The following CTNNA2 variants were observed in gnomAD, a reference collection of about 807,000 sequenced individuals.
CTNNA2 encodes catenin alpha-2.
CTNNA2 carries 42 observed loss-of-function variants against 101.0 expected under a neutral mutation model. The ratio of observed to expected loss-of-function variants is 0.42; its 90% confidence interval spans 0.32 to 0.54. The LOEUF (loss-of-function observed/expected upper bound fraction) is 0.54, where lower values mean the gene tolerates loss of function less well. CTNNA2 is among the 20% of genes least tolerant of loss of function. The pLI, the probability that CTNNA2 is intolerant of heterozygous loss-of-function variation, is 0.14. For synonymous variants in CTNNA2, 450 were observed against 456.4 expected (o/e 0.99, Z 0.18); for missense variants, 871 against 1,223.1 (o/e 0.71, Z 4.29).
At chr2:79,407,569 T>C (rs1167364350) in intron 4 of CTNNA2, among the ~76,000 whole-genome samples, 2 of 151,922 alleles carry the variant, frequency 1.3e-5, no homozygotes, top group Non-Finnish European at 2.9e-5. Context: ...TGTCATGCTC[T>C]TACCCTCTCC....
At chr2:79,275,316 G>T (rs1330821176) in intron 2 of CTNNA2, among the ~76,000 whole-genome samples, 7 of 151,960 alleles carry the variant, frequency 4.6e-5, no homozygotes, top group African/African-American at 1.7e-4. Context: ...AATCTAGATG[G>T]GGTGGACTGA....
intron 2 of CTNNA2, among the ~76,000 whole-genome samples, chr2:79,660,180 G>T (rs1681923168): frequency 6.6e-6 from 1 of 150,434 alleles, no homozygotes; most frequent in African/African-American, 2.4e-5. Context: ...CAAATAGCAT[G>T]TTTACAAATA....
At chr2:79,208,593 G>A (rs544575000) in intron 2 of CTNNA2, among the ~76,000 whole-genome samples, 4 of 152,298 alleles carry the variant, frequency 2.6e-5, no homozygotes, top group South Asian at 4.1e-4. Flanking sequence ...TAAGTGTGGT[G>A]TAATTGCTCT....
chr2:79,568,737 T>C (rs370711554), intron 1 of CTNNA2, among the ~76,000 whole-genome samples: 1 of 151,238 alleles, frequency 6.6e-6, no homozygotes, highest in Non-Finnish European at 1.5e-5. Flanking sequence ...AAATATCACA[T>C]AGGGCCAGGC....
At chr2:79,929,247 G>A (rs1026757558) in intron 7 of CTNNA2, among the ~76,000 whole-genome samples, 2 of 152,138 alleles carry the variant, frequency 1.3e-5, no homozygotes, top group South Asian at 4.1e-4. Flanking sequence ...TTTTCAGAGA[G>A]TAACCAGACA....
chr2:80,409,898 A>C (rs114396400), intron 8 of CTNNA2, among the ~76,000 whole-genome samples: 1,544 of 152,330 alleles, frequency 0.01, 34 homozygotes, highest in African/African-American at 0.035. Context: ...TTTCACAATT[A>C]AAGGCAAATA....
intron 3 of CTNNA2, among the ~76,000 whole-genome samples, chr2:79,368,096 C>T (rs1454674946): frequency 1.3e-5 from 2 of 152,166 alleles, no homozygotes; most frequent in Admixed American, 1.3e-4. Context: ...CCACAAACTA[C>T]CTACCTGTGG....
chr2:79,382,481 G>A (rs1004572744), intron 4 of CTNNA2, among the ~76,000 whole-genome samples: 1 of 152,098 alleles, frequency 6.6e-6, no homozygotes, highest in African/African-American at 2.4e-5. Context: ...AAAGAAGAAG[G>A]TTTCCAATTA....
At chr2:80,412,382 A>G (rs532672260) in intron 8 of CTNNA2, among the ~76,000 whole-genome samples, 11 of 152,312 alleles carry the variant, frequency 7.2e-5, no homozygotes, top group African/African-American at 2.6e-4. Context: ...TGTTTAATCT[A>G]TACAAATAGT....
chr2:79,529,297 A>G (rs1672600993), intron 1 of CTNNA2, among the ~76,000 whole-genome samples: 1 of 152,196 alleles, frequency 6.6e-6, no homozygotes, highest in Admixed American at 6.6e-5. Flanking sequence ...GGACAAAGGC[A>G]AAGACAAGGC....
rs150385525 is a variant in CTNNA2 at position 79,807,575 on chromosome 2, T to C, written c.299-50438T>C. Reference sequence around the variant, plus strand: ...TCTTCCAGACTTAGTGAATTTATTATATTTTATTCAGTGTTCAAACATTAT... The same window carrying C: ...TCTTCCAGACTTAGTGAATTTATTACATTTTATTCAGTGTTCAAACATTAT... On this transcript the variant is annotated intron_variant, in intron 3 of 18. Coordinates refer to ENST00000402739, the MANE Select transcript of CTNNA2 (RefSeq NM_001282597.3). Among the ~76,000 whole-genome samples, 414 of 152,340 alleles carry C rather than the reference T, an allele frequency of 2.7e-3. 2 individuals carry two copies. The highest frequency in any genetic ancestry group is 9.6e-3 in the African/African-American group (398 of 41,584).
At chr2:79,460,511 A>G (rs1670867006) in intron 4 of CTNNA2, among the ~76,000 whole-genome samples, 1 of 152,212 alleles carries the variant, frequency 6.6e-6, no homozygotes, top group South Asian at 2.1e-4. Flanking sequence ...ATATCTAAAA[A>G]TGTTCTCACT....
At chr2:80,280,110 C>A (rs1438332065) in intron 7 of CTNNA2, among the ~76,000 whole-genome samples, 2 of 151,488 alleles carry the variant, frequency 1.3e-5, no homozygotes, top group African/African-American at 4.8e-5. Context: ...TGTCCCTTTA[C>A]CCCTTTGCTG....
At chr2:80,609,670 A>G (rs1250859921) in intron 17 of CTNNA2, among the ~76,000 whole-genome samples, 5 of 151,778 alleles carry the variant, frequency 3.3e-5, no homozygotes, top group Admixed American at 1.3e-4. Context: ...CATACCACTC[A>G]GCTTTCATGT....
chr2:79,278,690 ACT>A (rs1344541768), intron 2 of CTNNA2, among the ~76,000 whole-genome samples: 4 of 152,050 alleles, frequency 2.6e-5, no homozygotes, highest in Non-Finnish European at 5.9e-5. Flanking sequence ...AATGGAGAGG[ACT>A]CTCTCTACCT....
intron 2 of CTNNA2, among the ~76,000 whole-genome samples, chr2:79,310,465 G>A (rs1015687694): frequency 1.3e-5 from 2 of 152,070 alleles, no homozygotes; most frequent in East Asian, 1.9e-4. Flanking sequence ...TTCCATTAAT[G>A]TCACTGGTTA....
intron 9 of CTNNA2, among the ~76,000 whole-genome samples, chr2:80,444,480 T>C (rs1682897897): frequency 6.6e-6 from 1 of 152,146 alleles, no homozygotes; most frequent in Non-Finnish European, 1.5e-5. Context: ...ATCAGCACCA[T>C]TGACATTTTA....
At chr2:80,246,016 G>A (rs1454343059) in intron 7 of CTNNA2, among the ~76,000 whole-genome samples, 17 of 151,890 alleles carry the variant, frequency 1.1e-4, no homozygotes, top group African/African-American at 3.6e-4. Context: ...GGACGGTCTC[G>A]ATCTCCTGAC....
At chr2:80,216,596 G>T (rs1390402604) in intron 7 of CTNNA2, among the ~76,000 whole-genome samples, 1 of 152,086 alleles carries the variant, frequency 6.6e-6, no homozygotes, top group Non-Finnish European at 1.5e-5. Flanking sequence ...TTTTTACCAT[G>T]TGAGGATACT....
Sources: gnomAD v4.1 joint callset for allele counts (sites outside exome capture counted in the v4.1 genomes callset) on GRCh38, gnomAD v4.1.1 for gene constraint, MANE v1.5 for transcripts, NCBI Gene and HGNC (gene_info 2026-07-23, HGNC 2026-07-21) for gene names.